The following GPR39 variants were observed in gnomAD, a reference collection of about 807,000 sequenced individuals.
The protein encoded by GPR39 is G protein-coupled receptor 39.
A neutral mutation model predicts 18.4 loss-of-function variants in GPR39; 23 were observed. That is an observed-to-expected ratio of 1.25 (90% CI 0.90 to 1.77). The LOEUF (loss-of-function observed/expected upper bound fraction) is 1.77. Ranked by LOEUF, GPR39 falls within the 40% of genes most tolerant of loss-of-function variation. The pLI, the probability that GPR39 is intolerant of heterozygous loss-of-function variation, is 0.00. For synonymous variants in GPR39, 280 were observed against 257.9 expected, an observed-to-expected ratio of 1.09 and a Z score of -0.82; for missense variants, 647 against 602.4, an observed-to-expected ratio of 1.07 and a Z score of -0.78.
chr2:132,425,278 C>T (rs1680097576), intron 1 of GPR39, among the ~76,000 whole-genome samples: 2 of 152,162 alleles, frequency 1.3e-5, no homozygotes, highest in South Asian at 4.1e-4. Context: ...GAAGGGGGCA[C>T]AGATGATGTC....
At chr2:132,624,155 G>A (rs1447052837) in intron 1 of GPR39, among the ~76,000 whole-genome samples, 1 of 152,182 alleles carries the variant, frequency 6.6e-6, no homozygotes, top group Non-Finnish European at 1.5e-5. Flanking sequence ...GGTGTCGGTA[G>A]GGTTGGCTCT....
At chr2:132,421,261 G>A (rs554973073) in intron 1 of GPR39, among the ~76,000 whole-genome samples, 1 of 152,302 alleles carries the variant, frequency 6.6e-6, no homozygotes, top group South Asian at 2.1e-4. Flanking sequence ...GGACACTTGT[G>A]TGTGTCTATT....
chr2:132,609,029 A>G (rs1462845455), intron 1 of GPR39, among the ~76,000 whole-genome samples: 1 of 152,216 alleles, frequency 6.6e-6, no homozygotes, highest in African/African-American at 2.4e-5. Flanking sequence ...TGTTGTTCAG[A>G]GAGCAGTGAG....
intron 1 of GPR39, among the ~76,000 whole-genome samples, chr2:132,525,167 T>A (rs1212848661): frequency 6.6e-6 from 1 of 151,942 alleles, no homozygotes; most frequent in East Asian, 1.9e-4. Flanking sequence ...TCTCTTAAAC[T>A]CCCCCAGCCC....
At chr2:132,617,123 T>A (rs1681351672) in intron 1 of GPR39, among the ~76,000 whole-genome samples, 1 of 152,258 alleles carries the variant, frequency 6.6e-6, no homozygotes, top group African/African-American at 2.4e-5. Context: ...GTTTAGCAGC[T>A]ATGTGTAGAT....
At chr2:132,464,707 T>A (rs984215294) in intron 1 of GPR39, among the ~76,000 whole-genome samples, 6 of 152,118 alleles carry the variant, frequency 3.9e-5, no homozygotes, top group Admixed American at 3.3e-4. Flanking sequence ...CCTGTGTCCT[T>A]CCCTCCTATG....
intron 1 of GPR39, among the ~76,000 whole-genome samples, chr2:132,625,975 C>T (rs1371823400): frequency 6.6e-6 from 1 of 151,874 alleles, no homozygotes; most frequent in Admixed American, 6.6e-5. Flanking sequence ...TGGTGGGTGC[C>T]TATAGTCCCA....
chr2:132,557,091 G>A (rs1324337669), intron 1 of GPR39, among the ~76,000 whole-genome samples: 1 of 148,820 alleles, frequency 6.7e-6, no homozygotes, highest in African/African-American at 2.5e-5. Flanking sequence ...CAAGGGGGGG[G>A]GCAGATCACT....
At chr2:132,424,983 C>T (rs1680091499) in intron 1 of GPR39, among the ~76,000 whole-genome samples, 1 of 152,188 alleles carries the variant, frequency 6.6e-6, no homozygotes, top group African/African-American at 2.4e-5. Context: ...AAACCGCCCC[C>T]ATGTTGCTCA....
At position 132,497,195 on chromosome 2, in the gene GPR39, C is replaced by T. The variant is rs1044023852; in HGVS notation, c.856+79297C>T. On this transcript the variant is annotated intron_variant, in intron 1 of 1. Transcript: ENST00000329321. ...AGAGTGTGAGCCACACAAGGGTCAA[C>T]ACTACATTTGCATATTAATTCCAAA... Among the ~76,000 whole-genome samples the T allele has an allele frequency of 3.9e-5, 6 of 152,304 alleles. No individual in the cohort carries two copies. The East Asian group carries it at 7.7e-4, about 20-fold the overall frequency.
chr2:132,471,403 G>A (rs1248430045), intron 1 of GPR39, among the ~76,000 whole-genome samples: 1 of 151,988 alleles, frequency 6.6e-6, no homozygotes, highest in Admixed American at 6.6e-5. Flanking sequence ...CAAGCTCAGT[G>A]GAAGCTTTAC....
At chr2:132,446,111 T>A (rs1680532800) in intron 1 of GPR39, among the ~76,000 whole-genome samples, 1 of 152,222 alleles carries the variant, frequency 6.6e-6, no homozygotes, top group African/African-American at 2.4e-5. Flanking sequence ...AAGCAGATTT[T>A]CAAATTACAT....
intron 1 of GPR39, among the ~76,000 whole-genome samples, chr2:132,607,202 C>T (rs2104846606): frequency 6.6e-6 from 1 of 152,278 alleles, no homozygotes; most frequent in Middle Eastern, 3.4e-3. Context: ...CAGTGAGTGA[C>T]AGGAATTGCA....
At chr2:132,421,995 A>T (rs1250594741) in intron 1 of GPR39, among the ~76,000 whole-genome samples, 4 of 152,238 alleles carry the variant, frequency 2.6e-5, no homozygotes, top group African/African-American at 9.6e-5. Flanking sequence ...GAAAATTATG[A>T]AAAGAAATTT....
At chr2:132,569,180 G>A (rs1250273897) in intron 1 of GPR39, among the ~76,000 whole-genome samples, 1 of 152,112 alleles carries the variant, frequency 6.6e-6, no homozygotes, top group Non-Finnish European at 1.5e-5. Flanking sequence ...ATGCTGCAAT[G>A]AGCAAGAGGT....
At chr2:132,612,081 T>C (rs1681247757) in intron 1 of GPR39, among the ~76,000 whole-genome samples, 1 of 146,634 alleles carries the variant, frequency 6.8e-6, no homozygotes, top group African/African-American at 2.5e-5. Context: ...TGCAGTGCCC[T>C]GAACTGAGTT....
intron 1 of GPR39, among the ~76,000 whole-genome samples, chr2:132,424,624 G>A (rs1266140576): frequency 6.6e-6 from 1 of 152,182 alleles, no homozygotes; most frequent in Non-Finnish European, 1.5e-5. Context: ...GCCAGTTCCA[G>A]ATGAAACCAT....
intron 1 of GPR39, among the ~76,000 whole-genome samples, chr2:132,508,563 C>G (rs867160233): frequency 7.0e-6 from 1 of 142,292 alleles, no homozygotes; most frequent in Non-Finnish European, 1.6e-5. Flanking sequence ...ATTTGGACAG[C>G]AAACACCTCC....
chr2:132,448,778 C>A (rs1251175772), intron 1 of GPR39, among the ~76,000 whole-genome samples: 1 of 152,196 alleles, frequency 6.6e-6, no homozygotes, highest in East Asian at 1.9e-4. Flanking sequence ...CTGCCACCAA[C>A]TCACTTCTAA....
Sources: gnomAD v4.1 joint callset for allele counts (sites outside exome capture counted in the v4.1 genomes callset) on GRCh38, gnomAD v4.1.1 for gene constraint, MANE v1.5 for transcripts, NCBI Gene and HGNC (gene_info 2026-07-23, HGNC 2026-07-21) for gene names.